The following PPFIA2 variants were observed in gnomAD, a reference collection of about 807,000 sequenced individuals.
PPFIA2 encodes PPFI scaffold protein A2, also known as liprin-alpha-2.
In PPFIA2, 46 loss-of-function variants were observed where a neutral mutation model predicts 175.5. The ratio of observed to expected loss-of-function variants is 0.26; its 90% CI spans 0.21 to 0.34. PPFIA2 has a LOEUF of 0.34. Among genes scored for constraint, PPFIA2 ranks in the 10% least tolerant of loss-of-function variants. The pLI is 1.00. For synonymous variants in PPFIA2, 568 were observed against 511.4 expected (o/e 1.11, Z -1.49); for missense variants, 1,179 against 1,506.1 (o/e 0.78, Z 3.60).
intron 4 of PPFIA2, among the ~76,000 whole-genome samples, chr12:81,467,734 T>C (rs2055957017): frequency 6.6e-6 from 1 of 152,144 alleles, no homozygotes; most frequent in Admixed American, 6.6e-5. Context: ...GCAATGATAG[T>C]ATAAAACATA....
intron 7 of PPFIA2, chr12:81,431,370 C>T (rs2048063867): frequency 6.6e-6 from 1 of 151,336 alleles, no homozygotes; most frequent in Admixed American, 6.6e-5. Flanking sequence ...CAATAATACT[C>T]TGCAAAAAAA....
chr12:81,733,453 A>G (rs1337872223), intron 3 of PPFIA2, among the ~76,000 whole-genome samples: 5 of 151,776 alleles, frequency 3.3e-5, no homozygotes, highest in South Asian at 2.1e-4. Flanking sequence ...TTAAGAGGGT[A>G]GATCTCATGT....
intron 11 of PPFIA2, among the ~76,000 whole-genome samples, chr12:81,372,231 T>C (rs1321364661): frequency 6.6e-6 from 1 of 151,434 alleles, no homozygotes; most frequent in East Asian, 1.9e-4. Context: ...GCAGAAATGG[T>C]TTTGAGAACA....
chr12:81,470,943 G>A (rs75210079), intron 4 of PPFIA2, among the ~76,000 whole-genome samples: 2 of 152,142 alleles, frequency 1.3e-5, no homozygotes, highest in East Asian at 3.9e-4. Flanking sequence ...CCAATGTTCT[G>A]TTGTCTACTT....
At position 81,283,028 on chromosome 12, in the gene PPFIA2, C is replaced by G; in HGVS notation, c.3000G>C (p.Glu1000Asp). The change falls in exon 26 of 33, where the codon GAG becomes GAC. Residue 1000 changes from glutamate (E) to aspartate (D), a missense_variant. Glu to Asp is a conservative substitution (Grantham distance 45). Around this residue, in one of 10 missense-constraint regions of PPFIA2, gnomAD observed 245 missense variants for 375.1 expected, o/e 0.65. Coordinates refer to ENST00000549396, the MANE Select transcript of PPFIA2 (RefSeq NM_003625.5). ...LAAPAKTKES[E>D]EGSWAQCPVF... ...CTCCTACCTGGGCCCAGCTTCCTTC[C>G]TCAGATTCTTTCTGTGTTAGCAGCA... The G allele has an allele frequency of 6.2e-7, 1 of 1,612,044 alleles. No homozygotes were observed. Among genetic ancestry groups the G allele is most frequent in the Non-Finnish European group, 8.5e-7 (1 of 1,178,638 alleles).
chr12:81,481,839 T>A (rs2058265485), intron 4 of PPFIA2, among the ~76,000 whole-genome samples: 1 of 152,158 alleles, frequency 6.6e-6, no homozygotes, highest in Non-Finnish European at 1.5e-5. Flanking sequence ...GGGCAAAGAC[T>A]TCATGACTGA....
intron 3 of PPFIA2, 110 bp downstream of exon 3, chr12:81,753,863 G>A (rs1243391679): frequency 1.2e-5 from 16 of 1,340,902 alleles, no homozygotes; most frequent in Non-Finnish European, 1.5e-5. Flanking sequence ...TCACCAAAAC[G>A]TGTGTATCAC....
rs375048983 is a variant in PPFIA2, at chr12:81,339,079, G to T, written c.2548+101C>A. ...AAATTTTGTCAGGTAGAAAAGAGAA[G>T]AAATGAAAAGAAGAGCAATGAAATG... On this transcript the variant is annotated intron_variant, in intron 21 of 32. Coordinates refer to ENST00000549396, the MANE Select transcript of PPFIA2 (RefSeq NM_003625.5). 17 of 1,118,232 alleles carry T rather than the reference G, an allele frequency of 1.5e-5. No individual in the cohort carries two copies. In the African/African-American group the frequency reaches 2.3e-4, roughly 15 times the overall value. The allele number at this position is 1,118,232 out of a possible 1,614,324, so 69.3% of individuals were successfully genotyped here.
chr12:81,274,363 G>C (rs1256535421), intron 28 of PPFIA2, among the ~76,000 whole-genome samples: 1 of 152,108 alleles, frequency 6.6e-6, no homozygotes. Context: ...GACATATTAT[G>C]TGGTCGTGAT....
chr12:81,511,969 G>A (rs2061845856), intron 4 of PPFIA2, among the ~76,000 whole-genome samples: 1 of 151,852 alleles, frequency 6.6e-6, no homozygotes, highest in African/African-American at 2.4e-5. Context: ...AACTTTTTAG[G>A]TTTCTTGTGC....
At position 81,325,162 on chromosome 12, in the gene PPFIA2, C is replaced by T. The variant is rs143183921; in HGVS notation, c.2642+615G>A. Reference sequence around the variant, plus strand: ...TTTAAAGAACATGTCCTAAAGGTGCCATTTTGTCAATGAAAATGTTACTAT... The same window carrying T: ...TTTAAAGAACATGTCCTAAAGGTGCTATTTTGTCAATGAAAATGTTACTAT... On this transcript the variant is annotated intron_variant, in intron 22 of 32. Coordinates refer to ENST00000549396, the MANE Select transcript of PPFIA2 (RefSeq NM_003625.5). Among the ~76,000 whole-genome samples the T allele has an allele frequency of 4.8e-3, 727 of 152,050 alleles. 6 individuals are homozygous for T. Among genetic ancestry groups the T allele is most frequent in the African/African-American group, 0.016 (678 of 41,494 alleles).
At chr12:81,570,055 A>G (rs1488905919) in intron 4 of PPFIA2, among the ~76,000 whole-genome samples, 1 of 152,192 alleles carries the variant, frequency 6.6e-6, no homozygotes, top group Non-Finnish European at 1.5e-5. Flanking sequence ...AAAACCCAGC[A>G]AAGCAAGTGT....
At chr12:81,277,259 A>C in intron 28 of PPFIA2, 58 bp downstream of exon 28, 1 of 1,429,360 alleles carries the variant, frequency 7.0e-7, no homozygotes, top group Non-Finnish European at 9.4e-7. Flanking sequence ...AGGTTAGTAA[A>C]AGTGAAAGCT....
At chr12:81,756,614 T>C (rs920546798) in intron 2 of PPFIA2, among the ~76,000 whole-genome samples, 2 of 152,082 alleles carry the variant, frequency 1.3e-5, no homozygotes, top group African/African-American at 4.8e-5. Flanking sequence ...ACAAGTTACT[T>C]TACATGTTAA....
At chr12:81,662,162 A>C (rs2069010340) in intron 4 of PPFIA2, among the ~76,000 whole-genome samples, 1 of 152,182 alleles carries the variant, frequency 6.6e-6, no homozygotes, top group South Asian at 2.1e-4. Context: ...GAGCAAACAC[A>C]TTCAAAAGCT....
intron 3 of PPFIA2, among the ~76,000 whole-genome samples, chr12:81,741,925 T>G (rs1393555748): frequency 6.6e-6 from 1 of 152,176 alleles, no homozygotes; most frequent in African/African-American, 2.4e-5. Flanking sequence ...AGCAGGATGA[T>G]CAGGCATGGC....
At chr12:81,535,417 C>T in intron 4 of PPFIA2, 1 of 455,400 alleles carries the variant, frequency 2.2e-6, no homozygotes, top group South Asian at 1.6e-5. Context: ...CAAGATGGTA[C>T]CCACCATATC....
At chr12:81,752,966 T>A (rs979681895) in intron 3 of PPFIA2, among the ~76,000 whole-genome samples, 19 of 151,000 alleles carry the variant, frequency 1.3e-4, no homozygotes, top group Middle Eastern at 3.4e-3. Flanking sequence ...AGGTGGAGTC[T>A]CTTTCTGTCC....
intron 3 of PPFIA2, among the ~76,000 whole-genome samples, chr12:81,694,805 G>A (rs778853513): frequency 2.6e-5 from 4 of 152,182 alleles, no homozygotes; most frequent in Non-Finnish European, 2.9e-5. Flanking sequence ...ACCTGTGAGA[G>A]CAGCCTGGTG....
Sources: allele counts gnomAD v4.1 joint callset (sites outside exome capture counted in the v4.1 genomes callset), GRCh38; gene constraint gnomAD v4.1.1; regional missense constraint gnomAD v4.1.1; transcripts MANE v1.5; gene names NCBI Gene and HGNC (gene_info 2026-07-23, HGNC 2026-07-21).